The following SETDB2 variants were observed in gnomAD, a reference collection of about 807,000 sequenced individuals.
The protein encoded by SETDB2 is histone-lysine N-methyltransferase SETDB2.
Under a neutral mutation model 82.5 loss-of-function variants are expected in SETDB2, and 56 were observed. The ratio of observed to expected loss-of-function variants is 0.68; its 90% confidence interval spans 0.55 to 0.85. SETDB2 has a LOEUF of 0.85. SETDB2 is among the 40% of genes least tolerant of loss of function. SETDB2 has a pLI of 0.00. For synonymous variants in SETDB2, 272 were observed against 284.9 expected (o/e 0.95, Z 0.46); for missense variants, 677 against 816.4 (o/e 0.83, Z 2.08).
chr13:49,470,705 C>T (rs1027213829), intron 5 of SETDB2, among the ~76,000 whole-genome samples: 32 of 152,182 alleles, frequency 2.1e-4, no homozygotes, highest in African/African-American at 7.2e-4. Flanking sequence ...AAAAATTAGC[C>T]GGGCTTGGTG....
Position 49,444,551 on chromosome 13 carries a change from C to T in SETDB2, c.-648C>T, listed in dbSNP as rs1957619302. The T allele has an allele frequency of 6.3e-6, 1 of 157,914 alleles. No homozygotes were observed. Among genetic ancestry groups the T allele is most frequent in the African/African-American group, 2.4e-5 (1 of 41,470 alleles). 9.8% of individuals were successfully genotyped at this position (157,914 alleles called of 1,614,324 possible). A position where few individuals can be genotyped will look rare whatever the true frequency, so the allele number is the denominator to read the frequency against. On this transcript the variant is annotated 5_prime_UTR_variant, in exon 1 of 14. Coordinates refer to ENST00000611815, the MANE Select transcript of SETDB2 (RefSeq NM_001160308.3). ...CCGTGGCTGGCCCCCGACAGTTCCT[C>T]TAGCCGGGAGGTTGGAGGAGCTGAA...
At chr13:49,484,372 C>T (rs867339061) in intron 10 of SETDB2, among the ~76,000 whole-genome samples, 1 of 152,166 alleles carries the variant, frequency 6.6e-6, no homozygotes, top group Admixed American at 6.5e-5. Context: ...TGGGTTCAAG[C>T]GATTCCCCTG....
In SETDB2 at chr13:49,460,956, T is replaced by C. The variant is rs990829111; in HGVS notation, c.143-141T>C. 7.5e-6 allele frequency: 4 copies of C among 534,094 alleles called. No homozygotes were observed. The African/African-American group carries it at 7.6e-5, about 10-fold the overall frequency. 33.1% of individuals were successfully genotyped at this position (534,094 alleles called of 1,614,324 possible). A position where few individuals can be genotyped will look rare whatever the true frequency, so the allele number is the denominator to read the frequency against. On this transcript the variant is annotated intron_variant, in intron 3 of 13. Transcript: ENST00000611815. Reference sequence around the variant, plus strand: ...GCTTAACCTCTGAGCCTCAGTTTCTTTTGTCTCTAATGCAGATAGTCCTAT... The same window carrying C: ...GCTTAACCTCTGAGCCTCAGTTTCTCTTGTCTCTAATGCAGATAGTCCTAT...
intron 11 of SETDB2, 99 bp from the exon 12 acceptor site, chr13:49,488,182 TGTAAGGATC>T: frequency 6.9e-7 from 1 of 1,441,464 alleles, no homozygotes; most frequent in South Asian, 1.5e-5. Context: ...CCTAACACAT[TGTAAGGATC>T]GATAATTAAA....
chr13:49,478,967 C>T (rs1958425107), intron 6 of SETDB2, among the ~76,000 whole-genome samples: 1 of 151,958 alleles, frequency 6.6e-6, no homozygotes, highest in Admixed American at 6.6e-5. Flanking sequence ...GTGAGCAATA[C>T]CTAATCCAGT....
At chr13:49,470,102 G>A (rs1342853713) in intron 5 of SETDB2, among the ~76,000 whole-genome samples, 1 of 152,120 alleles carries the variant, frequency 6.6e-6, no homozygotes, top group Non-Finnish European at 1.5e-5. Flanking sequence ...TCTTTTGTAT[G>A]TATACTTTTA....
chr13:49,491,231 A>C (rs1031754183), intron 13 of SETDB2, among the ~76,000 whole-genome samples: 1 of 152,242 alleles, frequency 6.6e-6, no homozygotes, highest in South Asian at 2.1e-4. Context: ...TTTTTTAAAG[A>C]TATATACTAT....
intron 5 of SETDB2, among the ~76,000 whole-genome samples, chr13:49,471,682 A>G (rs1566166101): frequency 6.6e-6 from 1 of 151,912 alleles, no homozygotes; most frequent in African/African-American, 2.4e-5. Context: ...GTACCTACAC[A>G]TACATACACA....
At chr13:49,451,075 A>G (rs1957776763) in intron 1 of SETDB2, among the ~76,000 whole-genome samples, 1 of 151,818 alleles carries the variant, frequency 6.6e-6, no homozygotes, top group Non-Finnish European at 1.5e-5. Context: ...AGGAAAATGC[A>G]GGAAATGTTT....
intron 12 of SETDB2, chr13:49,489,292 G>A (rs553592039): frequency 6.8e-4 from 128 of 188,384 alleles, no homozygotes; most frequent in Non-Finnish European, 6.1e-4. Context: ...GCGGCTAGTG[G>A]GCAACAGAGC....
At chr13:49,470,966 CT>C (rs55920370) in intron 5 of SETDB2, among the ~76,000 whole-genome samples, 1 of 80,486 alleles carries the variant, frequency 1.2e-5, no homozygotes. Flanking sequence ...TTCTTTCTTT[CT>C]TTTTTTTTTT....
At chr13:49,452,884 G>C (rs750986098) in intron 2 of SETDB2, among the ~76,000 whole-genome samples, 2 of 152,148 alleles carry the variant, frequency 1.3e-5, no homozygotes, top group African/African-American at 4.8e-5. Context: ...GGTACATGCT[G>C]TCAGCATGAT....
At chr13:49,473,030 C>T (rs1292018507) in intron 5 of SETDB2, among the ~76,000 whole-genome samples, 1 of 152,154 alleles carries the variant, frequency 6.6e-6, no homozygotes, top group Admixed American at 6.5e-5. Context: ...CCAGTAGTGG[C>T]TAACTTGGAG....
intron 2 of SETDB2, among the ~76,000 whole-genome samples, chr13:49,453,895 T>G (rs1957829317): frequency 1.3e-5 from 2 of 152,124 alleles, no homozygotes; most frequent in African/African-American, 4.8e-5. Context: ...CTAACTTATA[T>G]ATACACAACT....
At chr13:49,467,049 C>T (rs1037705343) in intron 4 of SETDB2, among the ~76,000 whole-genome samples, 1 of 151,954 alleles carries the variant, frequency 6.6e-6, no homozygotes, top group African/African-American at 2.4e-5. Context: ...ATACAATATC[C>T]TTTTATTAAA....
intron 4 of SETDB2, among the ~76,000 whole-genome samples, chr13:49,464,778 T>C (rs1958068194): frequency 6.6e-6 from 1 of 152,128 alleles, no homozygotes; most frequent in East Asian, 1.9e-4. Flanking sequence ...AAGGTTCATG[T>C]GGGCTGAATA....
chr13:49,475,131 C>T (rs1384379345), intron 5 of SETDB2, among the ~76,000 whole-genome samples: 1 of 152,212 alleles, frequency 6.6e-6, no homozygotes, highest in Non-Finnish European at 1.5e-5. Context: ...CAAGCAAGAG[C>T]AAGTCACATC....
intron 1 of SETDB2, among the ~76,000 whole-genome samples, chr13:49,448,341 A>C (rs987942324): frequency 1.3e-5 from 2 of 152,050 alleles, no homozygotes; most frequent in African/African-American, 4.8e-5. Flanking sequence ...ATTTGTTATT[A>C]TTTATTTTGT....
In SETDB2 at chr13:49,476,548, G is replaced by A. The variant is rs1371858640; in HGVS notation, c.378G>A (p.Ser126=). The A allele has an allele frequency of 3.7e-6, 6 of 1,613,740 alleles. No individual in the cohort carries two copies. The highest frequency in any genetic ancestry group is 5.1e-6 in the Non-Finnish European group (6 of 1,179,880). ...VVDFREKDSS[S]NLSYQSHDCS... is the part of the protein sequence containing the mutation. Reference sequence around the variant, plus strand: ...ACTTTAGAGAAAAAGACTCATCTTCGAATTTATCTTACCAAAGTCATGACT... The same window carrying A: ...ACTTTAGAGAAAAAGACTCATCTTCAAATTTATCTTACCAAAGTCATGACT... The change falls in exon 6 of 14, where the codon TCG becomes TCA. Residue 126 remains serine, a synonymous_variant. Transcript: ENST00000611815.
Sources: gnomAD v4.1 joint callset for allele counts (sites outside exome capture counted in the v4.1 genomes callset) on GRCh38, gnomAD v4.1.1 for gene constraint, MANE v1.5 for transcripts, NCBI Gene and HGNC (gene_info 2026-07-23, HGNC 2026-07-21) for gene names.